The following ABCA6 variants were observed in gnomAD, a reference collection of about 807,000 sequenced individuals.
ABCA6 encodes ATP-binding cassette sub-family A member 6.
In ABCA6, 164 loss-of-function variants were observed where a neutral mutation model predicts 191.2. The ratio of observed to expected loss-of-function variants is 0.86; its 90% confidence interval spans 0.76 to 0.98. ABCA6 has a LOEUF of 0.98. Ranked by LOEUF, ABCA6 falls within the 50% of genes least tolerant of loss-of-function variation. The pLI is 0.00. For synonymous variants in ABCA6, 636 were observed against 647.7 expected (o/e 0.98, Z 0.27); for missense variants, 1,958 against 1,894.1 (o/e 1.03, Z -0.63).
intron 22 of ABCA6, 79 bp downstream of exon 22, chr17:69,100,718 T>A (rs992268789): frequency 5.1e-6 from 7 of 1,377,238 alleles, no homozygotes; most frequent in African/African-American, 1.5e-5. Flanking sequence ...CACTTATGGA[T>A]ATTTAAAAGC....
chr17:69,086,649 T>G lies in ABCA6; in HGVS notation c.3906A>C (p.Ala1302=). ...SCFSKRKKKI[A]ARNISFCVQE... ...GAACACAGAAAGAGATATTTCTTGC[T>G]GCTATTTTCTTCTTCCTCTTTGAAA... Residue 1302 remains alanine, a synonymous_variant, in exon 30 of 39, where the codon GCA becomes GCC. Coordinates refer to ENST00000284425, the MANE Select transcript of ABCA6 (RefSeq NM_080284.3). 6.2e-7 allele frequency: 1 copy of G among 1,612,618 alleles called. No individual in the cohort carries two copies. The highest frequency in any genetic ancestry group is 8.5e-7 in the Non-Finnish European group (1 of 1,178,962).
chr17:69,082,319 A>T (rs575673301), intron 36 of ABCA6, among the ~76,000 whole-genome samples: 98 of 113,446 alleles, frequency 8.6e-4, no homozygotes, highest in Admixed American at 3.7e-3. Context: ...TAACATACAG[A>T]CATACACAAA....
chr17:69,130,286 C>T (rs2073839067), intron 6 of ABCA6, among the ~76,000 whole-genome samples: 1 of 151,110 alleles, frequency 6.6e-6, no homozygotes, highest in Non-Finnish European at 1.5e-5. Context: ...CACTGCGCTC[C>T]AGTCTGGGTG....
At chr17:69,132,358 T>C (rs2144713306) in intron 6 of ABCA6, among the ~76,000 whole-genome samples, 2 of 152,354 alleles carry the variant, frequency 1.3e-5, no homozygotes, top group South Asian at 4.1e-4. Context: ...GATTTTGTCA[T>C]TGATAGTATT....
At position 69,091,244 on chromosome 17, in the gene ABCA6, A is replaced by C. The variant is rs772355982; in HGVS notation, c.3427T>G (p.Ser1143Ala). The change falls in exon 26 of 39, where the codon TCC becomes GCC. Residue 1143 changes from serine to alanine, a missense_variant. By Grantham distance (99) the Ser-to-Ala change is moderately conservative (BLOSUM62 1). Coordinates refer to ENST00000284425, the MANE Select transcript of ABCA6 (RefSeq NM_080284.3). ...YFFFASTIMF[S>A]ITLINHFDLS... is the part of the protein sequence containing the mutation. ...TCAAAATGATTGATTAAAGTGATGG[A>C]AAACATGATGGTGGAGGCCTACAAG... The C allele has an allele frequency of 6.2e-6, 10 of 1,611,634 alleles. 1 individual carries two copies. In the South Asian group the frequency reaches 8.8e-5, roughly 14 times the overall value.
intron 10 of ABCA6, among the ~76,000 whole-genome samples, chr17:69,122,698 A>G (rs1274133017): frequency 6.6e-6 from 1 of 151,940 alleles, no homozygotes; most frequent in Non-Finnish European, 1.5e-5. Flanking sequence ...AGCAAGTATA[A>G]AAGAGAGGTG....
At chr17:69,139,695 C>G (rs1044127210) in intron 2 of ABCA6, among the ~76,000 whole-genome samples, 4 of 152,044 alleles carry the variant, frequency 2.6e-5, no homozygotes, top group African/African-American at 9.7e-5. Context: ...TTGGAACCAA[C>G]CCAAATGTCC....
At chr17:69,082,344 C>T (rs969616796) in intron 36 of ABCA6, among the ~76,000 whole-genome samples, 2 of 148,958 alleles carry the variant, frequency 1.3e-5, no homozygotes, top group South Asian at 4.2e-4. Context: ...CACACACACA[C>T]ACACACACAC....
At chr17:69,132,906 G>A (rs1405040245) in intron 6 of ABCA6, among the ~76,000 whole-genome samples, 1 of 152,048 alleles carries the variant, frequency 6.6e-6, no homozygotes, top group East Asian at 1.9e-4. Context: ...GTATGTATGT[G>A]TACACATGCT....
intron 5 of ABCA6, among the ~76,000 whole-genome samples, chr17:69,134,380 C>A (rs2073915570): frequency 6.6e-6 from 1 of 152,106 alleles, no homozygotes; most frequent in African/African-American, 2.4e-5. Context: ...TTTTGCTCTC[C>A]ATTCTTTCAT....
Position 69,098,849 on chromosome 17 carries a change from C to T in ABCA6, c.3013-822G>A, listed in dbSNP as rs201504755. On this transcript the variant is annotated intron_variant, in intron 22 of 38. Coordinates refer to ENST00000284425, the MANE Select transcript of ABCA6 (RefSeq NM_080284.3). ...GGCATCGAGTTTCAATTCCGCAAGA[C>T]GGCAAAGTTCTGGAGATGCATTTCA... Among the ~76,000 whole-genome samples the T allele has an allele frequency of 9.9e-5, 15 of 151,962 alleles. No homozygotes were observed. In the East Asian group the frequency reaches 2.5e-3, roughly 25 times the overall value.
chr17:69,119,459 T>G (rs2073598045), intron 10 of ABCA6, among the ~76,000 whole-genome samples: 1 of 152,024 alleles, frequency 6.6e-6, no homozygotes, highest in Non-Finnish European at 1.5e-5. Context: ...TTCCCTACTT[T>G]CAGTTTATTC....
chr17:69,105,297 C>T (rs1201564884), intron 20 of ABCA6, 165 bp downstream of exon 20: 1 of 688,898 alleles, frequency 1.5e-6, no homozygotes, highest in East Asian at 3.0e-5. Flanking sequence ...CCTGTCATCT[C>T]CAAAATCAGA....
At position 69,081,193 on chromosome 17, in the gene ABCA6, A is replaced by G. The variant is rs2072626042; in HGVS notation, c.4617-48T>C. On this transcript the variant is annotated intron_variant, in intron 36 of 38. Transcript: ENST00000284425. ...TTCAGCTCTGAGTTTCAAGGGGAGA[A>G]AATGAGCATCAGAATAAATATTGAT... 3 of 992,250 alleles carry G rather than the reference A, an allele frequency of 3.0e-6. No individual in the cohort carries two copies. The East Asian group carries it at 7.3e-5, about 24-fold the overall frequency. 61.5% of individuals were successfully genotyped at this position (992,250 alleles called of 1,614,324 possible).
Position 69,140,092 on chromosome 17 carries a change from TATA to T in ABCA6, c.96+513_96+515del, listed in dbSNP as rs971661603. 2.6e-5 allele frequency among the ~76,000 whole-genome samples: 4 copies of T among 151,818 alleles called. No individual in the cohort carries two copies. In the East Asian group the frequency reaches 5.8e-4, roughly 22 times the overall value. On this transcript the variant is annotated intron_variant, in intron 2 of 38. Coordinates refer to ENST00000284425, the MANE Select transcript of ABCA6 (RefSeq NM_080284.3). The stretch of plus-strand genomic sequence containing the variant: ...TGCACATGTACCCTAAAACTTAAAG[TATA>T]ATAATAATAAAAAAATAAAAAATAA...
chr17:69,082,328 AACACACACAC>A (rs61523425), intron 36 of ABCA6, among the ~76,000 whole-genome samples: 9 of 144,898 alleles, frequency 6.2e-5, no homozygotes, highest in South Asian at 2.3e-4. Flanking sequence ...GACATACACA[AACACACACAC>A]ACACACACAC....
At chr17:69,129,810 T>C (rs750993028) in intron 6 of ABCA6, 59 bp from the exon 7 acceptor site, 582 of 1,287,852 alleles carry the variant, frequency 4.5e-4, no homozygotes, top group Admixed American at 5.5e-4. Context: ...ATATTTAATA[T>C]ATACAAAAGC....
chr17:69,118,796 T>C (rs564379683), intron 10 of ABCA6, among the ~76,000 whole-genome samples: 1 of 152,200 alleles, frequency 6.6e-6, no homozygotes, highest in East Asian at 1.9e-4. Context: ...ATCTTCTCAT[T>C]TGAGACTCTC....
At chr17:69,114,299 C>G in intron 13 of ABCA6, among the ~76,000 whole-genome samples, 1 of 150,980 alleles carries the variant, frequency 6.6e-6, no homozygotes, top group Non-Finnish European at 1.5e-5. Context: ...TCATTCTCAG[C>G]AAACTATCGC....
Sources: gnomAD v4.1 joint callset for allele counts (sites outside exome capture counted in the v4.1 genomes callset) on GRCh38, gnomAD v4.1.1 for gene constraint, MANE v1.5 for transcripts, NCBI Gene and HGNC (gene_info 2026-07-23, HGNC 2026-07-21) for gene names.